The following LMBR1 variants were observed in gnomAD, a reference collection of about 807,000 sequenced individuals.
LMBR1 encodes limb development membrane protein 1, also known as limb region 1 protein homolog.
A neutral mutation model predicts 73.9 loss-of-function variants in LMBR1; 52 were observed. The observed-to-expected ratio is 0.70, with a 90% CI of 0.56 to 0.89. The LOEUF is 0.89. Ranked by LOEUF, LMBR1 falls within the 40% of genes least tolerant of loss-of-function variation. The pLI, the probability that LMBR1 is intolerant of heterozygous loss-of-function variation, is 0.00. For synonymous variants in LMBR1, 215 were observed against 209.4 expected (o/e 1.03, Z -0.23); for missense variants, 539 against 579.8 (o/e 0.93, Z 0.72).
chr7:156,806,632 C>T (rs1365456149), intron 4 of LMBR1, among the ~76,000 whole-genome samples: 3 of 94,650 alleles, frequency 3.2e-5, no homozygotes, highest in Admixed American at 1.7e-4. Context: ...TTTTTTGAGA[C>T]GGAGTCTCAC....
chr7:156,714,089 T>C (rs899257077), intron 15 of LMBR1, among the ~76,000 whole-genome samples: 3 of 152,236 alleles, frequency 2.0e-5, no homozygotes, highest in African/African-American at 7.2e-5. Flanking sequence ...TGGCCAAATG[T>C]CTATATACAA....
At chr7:156,850,484 T>C (rs541873088) in intron 1 of LMBR1, among the ~76,000 whole-genome samples, 2 of 152,368 alleles carry the variant, frequency 1.3e-5, no homozygotes, top group East Asian at 3.9e-4. Flanking sequence ...CAATCTACTT[T>C]CTGTTTTTAT....
chr7:156,842,578 CT>C (rs1360366873), intron 1 of LMBR1, among the ~76,000 whole-genome samples: 1 of 152,170 alleles, frequency 6.6e-6, no homozygotes, highest in Non-Finnish European at 1.5e-5. Context: ...AACTCCAGCC[CT>C]TTCTCTTCCT....
intron 3 of LMBR1, among the ~76,000 whole-genome samples, chr7:156,832,318 G>T (rs553767033): frequency 6.6e-6 from 1 of 152,190 alleles, no homozygotes; most frequent in South Asian, 2.1e-4. Context: ...CTTTATTGAG[G>T]TGAAATTCAC....
chr7:156,834,236 T>C (rs1837209372), intron 2 of LMBR1, among the ~76,000 whole-genome samples: 2 of 152,192 alleles, frequency 1.3e-5, no homozygotes, highest in Admixed American at 6.5e-5. Context: ...TTAATAATAG[T>C]AACAAGGAGT....
chr7:156,893,006 C>A lies in LMBR1; in HGVS notation c.-13G>T. 6.6e-7 allele frequency: 1 copy of A among 1,514,180 alleles called. No individual in the cohort carries two copies. The highest frequency in any genetic ancestry group is 8.8e-7 in the Non-Finnish European group (1 of 1,138,264). The allele number at this position is 1,514,180 out of a possible 1,614,324, so 93.8% of individuals were successfully genotyped here. A position where few individuals can be genotyped will look rare whatever the true frequency, so the allele number is the denominator to read the frequency against. On this transcript the variant is annotated 5_prime_UTR_variant, in exon 1 of 17. Coordinates refer to ENST00000353442, the MANE Select transcript of LMBR1 (RefSeq NM_022458.4). The stretch of plus-strand genomic sequence containing the variant: ...CCTGCCCTTCCATCCTCCTTCATGC[C>A]CGCCGCCGCGCCGCCCGCGTCCGCG...
intron 4 of LMBR1, among the ~76,000 whole-genome samples, chr7:156,806,927 G>A (rs1356082550): frequency 6.6e-6 from 1 of 151,998 alleles, no homozygotes; most frequent in Non-Finnish European, 1.5e-5. Context: ...CATTTTATTA[G>A]GATGAGAACA....
chr7:156,808,077 GA>G (rs1450550496), intron 4 of LMBR1, among the ~76,000 whole-genome samples: 6 of 152,200 alleles, frequency 3.9e-5, no homozygotes, highest in Middle Eastern at 3.4e-3. Flanking sequence ...TACTGGAAAA[GA>G]ATATGTATTC....
At position 156,723,779 on chromosome 7, in the gene LMBR1, A is replaced by C. The variant is rs191347667; in HGVS notation, c.1225+333T>G. Among the ~76,000 whole-genome samples, 183 of 152,256 alleles carry C rather than the reference A, an allele frequency of 1.2e-3. 2 individuals are homozygous for C. Among genetic ancestry groups the C allele is most frequent in the Middle Eastern group, 6.8e-3 (2 of 294 alleles). ...AATTATAAACGCTCAAAAGCTTTTA[A>C]ATAGAAAAATTAGTTTAATGCAGTT... On this transcript the variant is annotated intron_variant, in intron 15 of 16. Transcript: ENST00000353442.
downstream of LMBR1, chr7:156,675,607 A>G: frequency 9.2e-7 from 1 of 1,085,336 alleles, no homozygotes; most frequent in Non-Finnish European, 1.4e-6. Context: ...GAGGAAGGTT[A>G]CCAAAATAGA....
rs1808968021 is a variant in LMBR1, at chr7:156,698,892, T to A, written c.1226-10701A>T. Among the ~76,000 whole-genome samples, 3 of 152,258 alleles carry A rather than the reference T, an allele frequency of 2.0e-5. No individual in the cohort carries two copies. In the South Asian group the frequency reaches 6.2e-4, roughly 31 times the overall value. On this transcript the variant is annotated intron_variant, in intron 15 of 16. Coordinates refer to ENST00000353442, the MANE Select transcript of LMBR1 (RefSeq NM_022458.4). ...TTTCTCCTTAGAAAATGGAATCTTC[T>A]TTTCTATTGCATTGTCAGGCTGCAA...
chr7:156,800,247 T>C (rs1446743589), intron 4 of LMBR1, among the ~76,000 whole-genome samples: 1 of 152,150 alleles, frequency 6.6e-6, no homozygotes, highest in African/African-American at 2.4e-5. Flanking sequence ...ATGTCTGGCT[T>C]CAAAGCTTCA....
At chr7:156,807,866 T>C (rs1832417434) in intron 4 of LMBR1, among the ~76,000 whole-genome samples, 1 of 152,218 alleles carries the variant, frequency 6.6e-6, no homozygotes, top group Admixed American at 6.5e-5. Context: ...GATTATTCTT[T>C]GACCAGTGAG....
At chr7:156,786,870 T>TTA (rs1453144948) in intron 5 of LMBR1, among the ~76,000 whole-genome samples, 5 of 152,152 alleles carry the variant, frequency 3.3e-5, no homozygotes, top group Non-Finnish European at 7.4e-5. Flanking sequence ...AATTATATCT[T>TTA]TATATATATA....
At chr7:156,724,344 AAAAT>A (rs1297783309) in intron 14 of LMBR1, among the ~76,000 whole-genome samples, 166 bp from the exon 15 acceptor site, 2 of 152,176 alleles carry the variant, frequency 1.3e-5, no homozygotes, top group African/African-American at 2.4e-5. Flanking sequence ...ACACACTTTT[AAAAT>A]AAATAAAGTT....
At chr7:156,735,603 G>C (rs763907877) in intron 9 of LMBR1, among the ~76,000 whole-genome samples, 49 of 146,684 alleles carry the variant, frequency 3.3e-4, no homozygotes, top group Non-Finnish European at 5.7e-4. Context: ...GGGAGGTTCT[G>C]TTTGCTAGGG....
chr7:156,864,769 G>T (rs892370643), intron 1 of LMBR1, among the ~76,000 whole-genome samples: 1 of 152,096 alleles, frequency 6.6e-6, no homozygotes, highest in Non-Finnish European at 1.5e-5. Flanking sequence ...GGCCCGACAC[G>T]GGTGGATCAC....
At position 156,865,200 on chromosome 7, in the gene LMBR1, G is replaced by C. The variant is rs191676128; in HGVS notation, c.66+27728C>G. Among the ~76,000 whole-genome samples the C allele has an allele frequency of 8.5e-5, 13 of 152,134 alleles. No individual in the cohort carries two copies. The East Asian group carries it at 2.1e-3, about 25-fold the overall frequency. ...TGCACGCCTGTAGTCTCAGCTACTA[G>C]GGAAACTGAGGTGGGAAGATCACTT... On this transcript the variant is annotated intron_variant, in intron 1 of 16. Coordinates refer to ENST00000353442, the MANE Select transcript of LMBR1 (RefSeq NM_022458.4).
rs1210029294 is a variant in LMBR1, at chr7:156,882,955, C to T, written c.66+9973G>A. ...CTGAAGCAGGAGAATCACTTGAACC[C>T]GGGAGGTGGAGGTTGCAGTGAGCCG... On this transcript the variant is annotated intron_variant, in intron 1 of 16. Coordinates refer to ENST00000353442, the MANE Select transcript of LMBR1 (RefSeq NM_022458.4). Among the ~76,000 whole-genome samples the T allele has an allele frequency of 4.6e-5, 7 of 152,118 alleles. No individual in the cohort carries two copies. The East Asian group carries it at 9.7e-4, about 21-fold the overall frequency.
Sources: allele counts gnomAD v4.1 joint callset (sites outside exome capture counted in the v4.1 genomes callset), GRCh38; gene constraint gnomAD v4.1.1; transcripts MANE v1.5; gene names NCBI Gene and HGNC (gene_info 2026-07-23, HGNC 2026-07-21).